The following ARFGEF1 variants were observed in gnomAD, a reference collection of about 807,000 sequenced individuals.
The protein encoded by ARFGEF1 is ARF guanine nucleotide exchange factor 1, also known as brefeldin A-inhibited guanine nucleotide-exchange protein 1.
ARFGEF1 carries 42 observed loss-of-function variants against 231.0 expected under a neutral mutation model. The observed-to-expected ratio is 0.18, with a 90% CI of 0.14 to 0.24. The LOEUF (loss-of-function observed/expected upper bound fraction) is 0.24. Among genes scored for constraint, ARFGEF1 ranks in the 10% least tolerant of loss-of-function variants. The pLI is 1.00. For missense variants in ARFGEF1, 1,345 were observed against 2,192.0 expected (o/e 0.61, Z 7.72); for synonymous variants, 710 against 732.3 (o/e 0.97, Z 0.49).
In ARFGEF1 at chr8:67,339,139, G is replaced by A. The variant is rs1375216193; in HGVS notation, c.124+4025C>T. On this transcript the variant is annotated intron_variant, in intron 1 of 38. Coordinates refer to ENST00000262215, the MANE Select transcript of ARFGEF1 (RefSeq NM_006421.5). ...ATAGACTCTTATATAAGAAAACTAA[G>A]TCAGCAGGATCACTTTATAATATGA... Among the ~76,000 whole-genome samples the A allele has an allele frequency of 4.6e-5, 7 of 152,230 alleles. No homozygotes were observed. In the East Asian group the frequency reaches 1.3e-3, roughly 29 times the overall value.
chr8:67,317,852 T>C (rs1322220881), intron 1 of ARFGEF1, among the ~76,000 whole-genome samples: 5 of 149,606 alleles, frequency 3.3e-5, no homozygotes, highest in Admixed American at 1.3e-4. Flanking sequence ...TGAACTGCGA[T>C]TGTGCCACTG....
At chr8:67,257,365 G>C (rs894665458) in intron 17 of ARFGEF1, among the ~76,000 whole-genome samples, 2 of 152,138 alleles carry the variant, frequency 1.3e-5, no homozygotes, top group African/African-American at 2.4e-5. Context: ...ACAGGCGTTA[G>C]GTACCACGCC....
At chr8:67,249,590 GCAGAACTCT>G (rs1023828970) in intron 19 of ARFGEF1, among the ~76,000 whole-genome samples, 4 of 150,280 alleles carry the variant, frequency 2.7e-5, no homozygotes, top group African/African-American at 1.0e-4. Flanking sequence ...AGGGGACAGT[GCAGAACTCT>G]CAGAGAGGGT....
chr8:67,175,713 A>G, intron 5 of ARFGEF1: 3 of 533,644 alleles, frequency 5.6e-6, no homozygotes, highest in Non-Finnish European at 1.0e-5. Flanking sequence ...TGACGTCTGC[A>G]TCAGGAACTA....
At chr8:67,292,906 T>C (rs928414084) in intron 5 of ARFGEF1, among the ~76,000 whole-genome samples, 2 of 152,182 alleles carry the variant, frequency 1.3e-5, no homozygotes, top group African/African-American at 2.4e-5. Flanking sequence ...GAACATTTCA[T>C]ATTCTCCAGT....
At chr8:67,178,121 CAAGTGCTGTTGTGAG>C (rs2129569856) in intron 5 of ARFGEF1, among the ~76,000 whole-genome samples, 1 of 152,278 alleles carries the variant, frequency 6.6e-6, no homozygotes, top group African/African-American at 2.4e-5. Context: ...AAAAATAGCT[CAAGTGCTGTTGTGAG>C]AACTGAGATA....
intron 19 of ARFGEF1, among the ~76,000 whole-genome samples, chr8:67,247,437 T>C (rs1840141029): frequency 6.6e-6 from 1 of 150,496 alleles, no homozygotes; most frequent in South Asian, 2.1e-4. Flanking sequence ...TGGTTCAACA[T>C]ACACAAATTA....
intron 38 of ARFGEF1, chr8:67,199,891 A>G: frequency 4.5e-6 from 1 of 223,804 alleles, no homozygotes; most frequent in South Asian, 7.3e-5. Flanking sequence ...ACAGTCATAT[A>G]TGTGTATTTT....
chr8:67,311,289 G>C (rs1338577633), intron 1 of ARFGEF1, among the ~76,000 whole-genome samples: 1 of 135,008 alleles, frequency 7.4e-6, no homozygotes, highest in Non-Finnish European at 1.6e-5. Flanking sequence ...AGGGAGGTGG[G>C]GGGGGTCAGC....
intron 5 of ARFGEF1, among the ~76,000 whole-genome samples, chr8:67,295,250 G>C (rs1806180562): frequency 6.6e-6 from 1 of 152,144 alleles, no homozygotes; most frequent in Non-Finnish European, 1.5e-5. Context: ...CTGAGCAAGT[G>C]AGGGGAGGAT....
chr8:67,238,256 C>T lies in ARFGEF1; in HGVS notation c.3289+87G>A, dbSNP rs1041893867. The T allele has an allele frequency of 2.2e-6, 3 of 1,337,390 alleles. No individual in the cohort carries two copies. In the African/African-American group the frequency reaches 4.5e-5, roughly 20 times the overall value. 82.8% of individuals were successfully genotyped at this position (1,337,390 alleles called of 1,614,324 possible). ...TTAGACAAAAGGCATTTTATCTTCT[C>T]CTTCTAATTATATTTCATTACTACA... On this transcript the variant is annotated intron_variant, in intron 22 of 38. Transcript: ENST00000262215.
chr8:67,286,399 T>C (rs1480099005), intron 7 of ARFGEF1, among the ~76,000 whole-genome samples: 1 of 152,230 alleles, frequency 6.6e-6, no homozygotes, highest in Non-Finnish European at 1.5e-5. Context: ...CTCTGTATTG[T>C]TAGATGCTGG....
intron 22 of ARFGEF1, among the ~76,000 whole-genome samples, chr8:67,237,396 T>C (rs1409073123): frequency 6.6e-6 from 1 of 152,242 alleles, no homozygotes; most frequent in Non-Finnish European, 1.5e-5. Flanking sequence ...CCAGTCCAAC[T>C]TGAAGCCATA....
At chr8:67,216,696 G>A in intron 32 of ARFGEF1, 34 bp from the exon 33 acceptor site, 2 of 1,547,520 alleles carry the variant, frequency 1.3e-6, no homozygotes, top group Non-Finnish European at 1.7e-6. Flanking sequence ...AATCACTAGG[G>A]GGCTGTGCCA....
At chr8:67,217,102 TGAGACCAGCCTGACCAACGTG>T (rs1838964556) in intron 32 of ARFGEF1, among the ~76,000 whole-genome samples, 1 of 151,704 alleles carries the variant, frequency 6.6e-6, no homozygotes, top group African/African-American at 2.4e-5. Context: ...GTTGGGAGTT[TGAGACCAGCCTGACCAACGTG>T]GAGAAACCCC....
intron 27 of ARFGEF1, among the ~76,000 whole-genome samples, chr8:67,226,927 A>G (rs1014008084): frequency 1.3e-5 from 2 of 152,118 alleles, no homozygotes; most frequent in African/African-American, 4.8e-5. Context: ...AAATTACGTG[A>G]AAAGTGCACA....
chr8:67,254,546 G>C (rs1264215430), intron 17 of ARFGEF1, among the ~76,000 whole-genome samples: 3 of 152,094 alleles, frequency 2.0e-5, no homozygotes, highest in Non-Finnish European at 4.4e-5. Flanking sequence ...AAAAACTATA[G>C]AGAGTGTGGT....
intron 23 of ARFGEF1, 151 bp from the exon 24 acceptor site, chr8:67,228,415 G>A (rs1461360146): frequency 1.5e-6 from 1 of 679,494 alleles, no homozygotes; most frequent in Non-Finnish European, 2.5e-6. Context: ...ATTTAGTTTA[G>A]TAACAAGTGT....
In ARFGEF1 at chr8:67,339,796, G is replaced by GGGGGGGA. The variant is rs1491132629; in HGVS notation, c.124+3367_124+3368insTCCCCCC. Among the ~76,000 whole-genome samples the GGGGGGGA allele has an allele frequency of 0.011, 163 of 14,646 alleles. 32 individuals carry two copies. The East Asian group carries it at 0.13, about 12-fold the overall frequency. 9.6% of individuals were successfully genotyped at this position (14,646 alleles called of 152,430 possible). A position where few individuals can be genotyped will look rare whatever the true frequency, so the allele number is the denominator to read the frequency against. On this transcript the variant is annotated intron_variant, in intron 1 of 38. Transcript: ENST00000262215. Reference sequence around the variant, plus strand: ...TTGTAACAGTGTAACAGTGTGGGGCGGGGGGGGGGATTCTTTCTTTTTTAA... The same window carrying GGGGGGGA: ...TTGTAACAGTGTAACAGTGTGGGGCGGGGGGGAGGGGGGGGGATTCTTTCTTTTTTAA...
Sources: allele counts gnomAD v4.1 joint callset (sites outside exome capture counted in the v4.1 genomes callset), GRCh38; gene constraint gnomAD v4.1.1; transcripts MANE v1.5; gene names NCBI Gene and HGNC (gene_info 2026-07-23, HGNC 2026-07-21).